The following CTNNA3 variants were observed in gnomAD, a reference collection of about 807,000 sequenced individuals.
The protein encoded by CTNNA3 is catenin alpha-3.
Under a neutral mutation model 95.7 loss-of-function variants are expected in CTNNA3, and 76 were observed. That is an observed-to-expected ratio of 0.79 (90% CI 0.66 to 0.96). CTNNA3 has a LOEUF of 0.96. Among genes scored for constraint, CTNNA3 ranks in the 40% least tolerant of loss-of-function variants. CTNNA3 has a pLI of 0.00. For missense variants in CTNNA3, 1,191 were observed against 1,089.8 expected, an observed-to-expected ratio of 1.09 and a Z score of -1.31; for synonymous variants, 431 against 374.4, an observed-to-expected ratio of 1.15 and a Z score of -1.74.
intron 7 of CTNNA3, among the ~76,000 whole-genome samples, chr10:67,137,245 A>G (rs1325092915): frequency 6.6e-6 from 1 of 152,172 alleles, no homozygotes; most frequent in Non-Finnish European, 1.5e-5. Flanking sequence ...TATTGTAATA[A>G]AAGTTTATAT....
chr10:66,193,707 C>T (rs1589691789), intron 13 of CTNNA3, among the ~76,000 whole-genome samples: 1 of 152,106 alleles, frequency 6.6e-6, no homozygotes. Context: ...ATTCCTGTTG[C>T]TTGGCTTTAT....
intron 15 of CTNNA3, among the ~76,000 whole-genome samples, chr10:66,042,250 T>G (rs544458928): frequency 6.6e-6 from 1 of 152,338 alleles, no homozygotes. Flanking sequence ...ACTGCAGGTT[T>G]ATTTATATTC....
intron 16 of CTNNA3, among the ~76,000 whole-genome samples, chr10:65,979,844 A>T (rs902042244): frequency 1.3e-5 from 2 of 152,068 alleles, no homozygotes; most frequent in African/African-American, 4.8e-5. Context: ...TTCAGTATAC[A>T]TTTAGTCCTA....
At chr10:66,019,681 T>C (rs997077799) in intron 15 of CTNNA3, among the ~76,000 whole-genome samples, 1 of 151,986 alleles carries the variant, frequency 6.6e-6, no homozygotes, top group African/African-American at 2.4e-5. Flanking sequence ...AGGAAGTAAC[T>C]GATAAAAGTC....
intron 5 of CTNNA3, among the ~76,000 whole-genome samples, chr10:67,456,894 C>T (rs1358186705): frequency 1.3e-5 from 2 of 151,948 alleles, no homozygotes; most frequent in Non-Finnish European, 2.9e-5. Flanking sequence ...AGACTATGAG[C>T]CAACTCTAGC....
intron 1 of CTNNA3, among the ~76,000 whole-genome samples, chr10:67,721,993 C>T (rs1841182058): frequency 3.3e-5 from 5 of 151,970 alleles, no homozygotes; most frequent in Admixed American, 3.3e-4. Flanking sequence ...AGCGGAGGTT[C>T]AGTTGGAAAT....
At chr10:67,492,352 G>GA (rs1838874490) in intron 5 of CTNNA3, among the ~76,000 whole-genome samples, 1 of 76 alleles carries the variant, frequency 0.013, no homozygotes, top group South Asian at 0.17. Context: ...TTGTGCAAGT[G>GA]AAAGGCAGAA....
intron 5 of CTNNA3, among the ~76,000 whole-genome samples, chr10:67,335,707 G>A (rs1841971299): frequency 6.6e-6 from 1 of 152,162 alleles, no homozygotes. Context: ...ACATGCTGTA[G>A]GAGCTTACTG....
intron 7 of CTNNA3, among the ~76,000 whole-genome samples, chr10:66,986,616 GA>G (rs1045754822): frequency 7.4e-4 from 113 of 152,202 alleles, no homozygotes; most frequent in African/African-American, 2.7e-3. Flanking sequence ...GATACAAAAT[GA>G]TACCTCATTT....
chr10:66,439,607 T>A (rs944009685), intron 11 of CTNNA3, among the ~76,000 whole-genome samples: 1 of 152,152 alleles, frequency 6.6e-6, no homozygotes, highest in Non-Finnish European at 1.5e-5. Context: ...TTACATAGCA[T>A]GTATGTTACA....
At chr10:66,018,975 G>A (rs562301069) in intron 15 of CTNNA3, among the ~76,000 whole-genome samples, 3 of 152,056 alleles carry the variant, frequency 2.0e-5, no homozygotes, top group Non-Finnish European at 4.4e-5. Flanking sequence ...AAACCAGTTA[G>A]AGAGACAGTT....
intron 5 of CTNNA3, among the ~76,000 whole-genome samples, chr10:67,234,576 G>A (rs1458459252): frequency 4.0e-5 from 6 of 151,878 alleles, no homozygotes; most frequent in Non-Finnish European, 4.4e-5. Flanking sequence ...GGCAAAAACT[G>A]GAAGCATTCC....
intron 12 of CTNNA3, among the ~76,000 whole-genome samples, chr10:66,314,822 CAGA>C (rs754715784): frequency 6.6e-6 from 1 of 151,982 alleles, no homozygotes; most frequent in Admixed American, 6.6e-5. Flanking sequence ...GGATAAAAGT[CAGA>C]AGAATAAAAA....
intron 5 of CTNNA3, among the ~76,000 whole-genome samples, chr10:67,280,891 C>T (rs957269338): frequency 5.9e-5 from 9 of 151,978 alleles, no homozygotes; most frequent in Non-Finnish European, 1.0e-4. Context: ...ACTCTCATAC[C>T]CATGTATGTG....
chr10:67,639,302 C>A (rs1332853061), intron 2 of CTNNA3, among the ~76,000 whole-genome samples: 1 of 152,100 alleles, frequency 6.6e-6, no homozygotes, highest in Non-Finnish European at 1.5e-5. Flanking sequence ...CAAGACTAAA[C>A]CAGGAAGAAG....
chr10:67,094,168 T>G (rs771495674), intron 7 of CTNNA3, among the ~76,000 whole-genome samples: 1 of 151,962 alleles, frequency 6.6e-6, no homozygotes, highest in Non-Finnish European at 1.5e-5. Flanking sequence ...AAAGAATAAT[T>G]TTCTCATTAT....
intron 5 of CTNNA3, among the ~76,000 whole-genome samples, chr10:67,242,930 G>T (rs1243255740): frequency 6.6e-6 from 1 of 152,148 alleles, no homozygotes; most frequent in African/African-American, 2.4e-5. Flanking sequence ...ACCTTTTAGG[G>T]TATTAATGAA....
intron 13 of CTNNA3, among the ~76,000 whole-genome samples, chr10:66,255,432 T>C (rs2090729488): frequency 6.6e-6 from 1 of 152,178 alleles, no homozygotes; most frequent in Non-Finnish European, 1.5e-5. Flanking sequence ...TAAACTTTTA[T>C]ATTCAGAGAC....
chr10:66,093,983 T>C (rs886666624), intron 14 of CTNNA3, among the ~76,000 whole-genome samples: 1 of 151,916 alleles, frequency 6.6e-6, no homozygotes, highest in Non-Finnish European at 1.5e-5. Flanking sequence ...TGTAATGGAG[T>C]TTAGAATTTA....
Sources: gnomAD v4.1 joint callset for allele counts (sites outside exome capture counted in the v4.1 genomes callset) on GRCh38, gnomAD v4.1.1 for gene constraint, MANE v1.5 for transcripts, NCBI Gene and HGNC (gene_info 2026-07-23, HGNC 2026-07-21) for gene names.